The following CADPS variants were observed in gnomAD, a reference collection of about 807,000 sequenced individuals.
CADPS encodes calcium dependent secretion activator, also known as calcium-dependent secretion activator 1.
In CADPS, 57 loss-of-function variants were observed where a neutral mutation model predicts 167.3. That is an observed-to-expected ratio of 0.34 (90% CI 0.28 to 0.42). The LOEUF is 0.42. CADPS is among the 20% of genes least tolerant of loss of function. The probability of loss-of-function intolerance (pLI) is 1.00; values close to 1 mark genes in which losing one functional copy is unlikely to be tolerated. For synonymous variants in CADPS, 676 were observed against 635.3 expected (o/e 1.06, Z -0.96); for missense variants, 1,414 against 1,738.1 (o/e 0.81, Z 3.32).
Position 62,861,949 on chromosome 3 carries a change from G to T in CADPS, c.441+12640C>A, listed in dbSNP as rs143497292. ...CACTGCTATCACTTGATCTCAGTCAGCTTGAGGCTTAGTTCAAATACCACT... is the reference window on the plus strand; with the variant it reads ...CACTGCTATCACTTGATCTCAGTCATCTTGAGGCTTAGTTCAAATACCACT... On this transcript the variant is annotated intron_variant, in intron 1 of 29. Coordinates refer to ENST00000383710, the MANE Select transcript of CADPS (RefSeq NM_003716.4). Among the ~76,000 whole-genome samples the T allele has an allele frequency of 5.2e-3, 785 of 152,102 alleles. 3 individuals carry two copies. The highest frequency in any genetic ancestry group is 0.014 in the Middle Eastern group (4 of 294).
chr3:62,477,836 A>G (rs998076082), intron 23 of CADPS, among the ~76,000 whole-genome samples: 4 of 152,308 alleles, frequency 2.6e-5, no homozygotes, highest in Middle Eastern at 3.4e-3. Flanking sequence ...TTAGAAAACC[A>G]TTAGATTTCT....
chr3:62,704,988 T>C lies in CADPS; in HGVS notation c.889-42594A>G, dbSNP rs547673143. ...ATCAAGTGCACAGGAACACCCCTCA[T>C]CAGTGAACCAAGCCCACCATACCTG... On this transcript the variant is annotated intron_variant, in intron 3 of 29. Transcript: ENST00000383710. Among the ~76,000 whole-genome samples the C allele has an allele frequency of 8.5e-5, 13 of 152,182 alleles. No homozygotes were observed. The South Asian group carries it at 2.3e-3, about 27-fold the overall frequency.
chr3:62,509,798 C>T (rs2067389891), intron 17 of CADPS, among the ~76,000 whole-genome samples: 1 of 152,126 alleles, frequency 6.6e-6, no homozygotes, highest in South Asian at 2.1e-4. Flanking sequence ...TTATACTTGA[C>T]CTTATCCACT....
intron 1 of CADPS, chr3:62,814,603 C>T (rs375914135): frequency 5.3e-5 from 8 of 152,070 alleles, no homozygotes; most frequent in African/African-American, 1.9e-4. Context: ...AATTTCCACA[C>T]CTCTAATTCA....
At chr3:62,498,016 C>A in intron 18 of CADPS, 1 of 421,042 alleles carries the variant, frequency 2.4e-6, no homozygotes. Flanking sequence ...CTGGAAGTTG[C>A]TGTTACATTC....
At chr3:62,648,327 G>A (rs2069062426) in intron 5 of CADPS, among the ~76,000 whole-genome samples, 1 of 152,134 alleles carries the variant, frequency 6.6e-6, no homozygotes, top group African/African-American at 2.4e-5. Flanking sequence ...GTACGGACTT[G>A]TCTACATCTA....
intron 13 of CADPS, among the ~76,000 whole-genome samples, chr3:62,523,911 A>G (rs926499638): frequency 6.6e-6 from 1 of 152,226 alleles, no homozygotes; most frequent in Non-Finnish European, 1.5e-5. Context: ...ATCCATGAAA[A>G]TGTCCTTAAA....
Position 62,438,259 on chromosome 3 carries a change from C to T in CADPS, c.3670-48G>A. On this transcript the variant is annotated intron_variant, in intron 27 of 29. Coordinates refer to ENST00000383710, the MANE Select transcript of CADPS (RefSeq NM_003716.4). This position sits in a 1 kb window ranked among gnomAD's most constrained non-coding sequence, Gnocchi z 4.7. ...GAAAACGAATTTTCAGACAGCCACT[C>T]TTCCTTGTTTACCATTCACTTGTAC... 2 of 1,377,532 alleles carry T rather than the reference C, an allele frequency of 1.5e-6. No individual in the cohort carries two copies. The highest frequency in any genetic ancestry group is 1.2e-5 in the South Asian group (1 of 85,390). 85.3% of individuals were successfully genotyped at this position (1,377,532 alleles called of 1,614,324 possible).
intron 6 of CADPS, among the ~76,000 whole-genome samples, chr3:62,630,389 G>T (rs1194216552): frequency 6.6e-6 from 1 of 152,140 alleles, no homozygotes; most frequent in African/African-American, 2.4e-5. Context: ...CACCCAAGCT[G>T]GAGTGCAGTG....
chr3:62,787,504 A>T (rs1913228), intron 1 of CADPS, among the ~76,000 whole-genome samples: 1 of 151,962 alleles, frequency 6.6e-6, no homozygotes, highest in Non-Finnish European at 1.5e-5. Context: ...ACATTATTTT[A>T]TCTATGACTC....
At chr3:62,743,983 A>T (rs1342376072) in intron 3 of CADPS, among the ~76,000 whole-genome samples, 1 of 152,214 alleles carries the variant, frequency 6.6e-6, no homozygotes, top group Non-Finnish European at 1.5e-5. Context: ...TTCTCTATGG[A>T]AAAGATGACT....
In CADPS at chr3:62,851,249, T is replaced by G. The variant is rs2078519646; in HGVS notation, c.441+23340A>C. Reference sequence around the variant, plus strand: ...ATCCAACTTGCCAGTCTGTGTCTTTTAATTGGAGAATTTAGTCCATTTACA... The same window carrying G: ...ATCCAACTTGCCAGTCTGTGTCTTTGAATTGGAGAATTTAGTCCATTTACA... On this transcript the variant is annotated intron_variant, in intron 1 of 29. Coordinates refer to ENST00000383710, the MANE Select transcript of CADPS (RefSeq NM_003716.4). 2.8e-5 allele frequency among the ~76,000 whole-genome samples: 4 copies of G among 140,496 alleles called. No homozygotes were observed. The Admixed American group carries it at 2.9e-4, about 10-fold the overall frequency. 92.2% of individuals were successfully genotyped at this position (140,496 alleles called of 152,430 possible). A position where few individuals can be genotyped will look rare whatever the true frequency, so the allele number is the denominator to read the frequency against.
chr3:62,785,708 C>T (rs1158319141), intron 1 of CADPS, among the ~76,000 whole-genome samples: 1 of 152,130 alleles, frequency 6.6e-6, no homozygotes, highest in Non-Finnish European at 1.5e-5. Context: ...GAGGTTACAA[C>T]AGATGAGTTC....
At chr3:62,707,320 T>A (rs1475457006) in intron 3 of CADPS, among the ~76,000 whole-genome samples, 2 of 151,972 alleles carry the variant, frequency 1.3e-5, no homozygotes, top group African/African-American at 4.8e-5. Context: ...CCCAAAGCCA[T>A]CCCCTGCAAC....
At chr3:62,683,655 C>T (rs2077502516) in intron 3 of CADPS, among the ~76,000 whole-genome samples, 1 of 151,934 alleles carries the variant, frequency 6.6e-6, no homozygotes, top group South Asian at 2.1e-4. Flanking sequence ...TAGATTTTTT[C>T]CCAGCATCCT....
intron 1 of CADPS, among the ~76,000 whole-genome samples, chr3:62,870,699 A>G (rs995681109): frequency 1.3e-5 from 2 of 152,190 alleles, no homozygotes; most frequent in African/African-American, 4.8e-5. Context: ...ATGTAGACAC[A>G]ATGCTCATTT....
At chr3:62,487,157 A>G (rs2062950711) in intron 21 of CADPS, among the ~76,000 whole-genome samples, 1 of 152,226 alleles carries the variant, frequency 6.6e-6, no homozygotes, top group African/African-American at 2.4e-5. Flanking sequence ...CATGCAGCCA[A>G]GGATTCCCCA....
chr3:62,816,541 G>A lies in CADPS; in HGVS notation c.442-50557C>T, dbSNP rs115968484. On this transcript the variant is annotated intron_variant, in intron 1 of 29. Transcript: ENST00000383710. ...TAGAGAAAACACATTACTCCATGGTGAGAAAAAGGAAGAAAATTTCCCCTT... is the reference window on the plus strand; with the variant it reads ...TAGAGAAAACACATTACTCCATGGTAAGAAAAAGGAAGAAAATTTCCCCTT... Among the ~76,000 whole-genome samples, 445 of 152,106 alleles carry A rather than the reference G, an allele frequency of 2.9e-3. 4 individuals are homozygous for A. Among genetic ancestry groups the A allele is most frequent in the African/African-American group, 0.01 (432 of 41,500 alleles).
At position 62,683,649 on chromosome 3, in the gene CADPS, T is replaced by A. The variant is rs1911196; in HGVS notation, c.889-21255A>T. Among the ~76,000 whole-genome samples the A allele has an allele frequency of 7.0e-3, 1,066 of 152,130 alleles. 24 individuals carry two copies. The highest frequency in any genetic ancestry group is 0.024 in the African/African-American group (997 of 41,494). ...CTTAATTTATTTGGACCTCATTAGATTTTTTCCCAGCATCCTTTCTCTGTT... is the reference window on the plus strand; with the variant it reads ...CTTAATTTATTTGGACCTCATTAGAATTTTTCCCAGCATCCTTTCTCTGTT... On this transcript the variant is annotated intron_variant, in intron 3 of 29. Coordinates refer to ENST00000383710, the MANE Select transcript of CADPS (RefSeq NM_003716.4).
Sources: gnomAD v4.1 joint callset for allele counts (sites outside exome capture counted in the v4.1 genomes callset) on GRCh38, gnomAD v4.1.1 for gene constraint, Gnocchi (gnomAD v3.1) non-coding constraint, MANE v1.5 for transcripts, NCBI Gene and HGNC (gene_info 2026-07-23, HGNC 2026-07-21) for gene names.